TSPEAR: variants seen among roughly 807,000 people sequenced by gnomAD.
TSPEAR encodes the protein thrombospondin type laminin G domain and EAR repeats.
A neutral mutation model predicts 71.6 loss-of-function variants in TSPEAR; 69 were observed. That is an observed-to-expected ratio of 0.96 (90% confidence interval 0.79 to 1.18). TSPEAR has a LOEUF of 1.18. TSPEAR is among the 50% of genes most tolerant of loss of function. The probability of loss-of-function intolerance (pLI) is 0.00; values close to 1 mark genes in which losing one functional copy is unlikely to be tolerated. For missense variants in TSPEAR, 971 were observed against 894.9 expected, an observed-to-expected ratio of 1.09 and a Z score of -1.09; for synonymous variants, 402 against 387.2, an observed-to-expected ratio of 1.04 and a Z score of -0.45.
intron 1 of TSPEAR, among the ~76,000 whole-genome samples, chr21:44,633,039 A>T (rs1389504357): frequency 6.6e-6 from 1 of 151,198 alleles, no homozygotes; most frequent in Non-Finnish European, 1.5e-5. Context: ...ATATTCTCTT[A>T]TAGTCTTTTT....
rs374826156 is a variant in TSPEAR, at chr21:44,574,494, G to T, written c.83-6489C>A. ...CTGCTGCAAGCCTGTGTGCTCTGAG[G>T]ATTCCTCTTCATGCTGCCAGCAGTC... is the stretch of plus-strand genomic sequence containing the variant. On this transcript the variant is annotated intron_variant, in intron 1 of 11. Coordinates refer to ENST00000323084, the MANE Select transcript of TSPEAR (RefSeq NM_144991.3). The T allele has an allele frequency of 4.6e-5, 74 of 1,606,532 alleles. No homozygotes were observed. The African/African-American group carries it at 8.5e-4, about 18-fold the overall frequency.
chr21:44,676,557 A>T (rs2146289613), intron 1 of TSPEAR: 1 of 729,484 alleles, frequency 1.4e-6, no homozygotes, highest in Non-Finnish European at 2.5e-6. Context: ...CTTGCTCTTG[A>T]CTTAGATGAT....
intron 4 of TSPEAR, among the ~76,000 whole-genome samples, 189 bp from the exon 5 acceptor site, chr21:44,530,143 G>T (rs1300912522): frequency 5.3e-5 from 8 of 152,178 alleles, no homozygotes; most frequent in Admixed American, 5.2e-4. Context: ...CAATGGTGAA[G>T]AATTGCCCCC....
At chr21:44,564,146 G>C (rs2053674682) in intron 2 of TSPEAR, among the ~76,000 whole-genome samples, 1 of 152,160 alleles carries the variant, frequency 6.6e-6, no homozygotes, top group South Asian at 2.1e-4. Flanking sequence ...CATTTTGGGA[G>C]ACTCAAATTT....
At chr21:44,675,527 A>ATTT (rs34151967) in intron 1 of TSPEAR, among the ~76,000 whole-genome samples, 20 of 150,816 alleles carry the variant, frequency 1.3e-4, no homozygotes, top group Admixed American at 5.9e-4. Flanking sequence ...ACAAGGATGC[A>ATTT]TTTTTTTTTT....
In TSPEAR at chr21:44,637,656, G is replaced by A. The variant is rs782552725; in HGVS notation, c.83-69651C>T. The A allele has an allele frequency of 1.9e-5, 30 of 1,581,250 alleles. No homozygotes were observed. Among genetic ancestry groups the A allele is most frequent in the Non-Finnish European group, 2.2e-5 (25 of 1,162,132 alleles). ...ACCCCATGCTACCAGCAGTCTAGCT[G>A]CCAGCCGGATTGCTGCACCTCCTCC... On this transcript the variant is annotated intron_variant, in intron 1 of 11. Transcript: ENST00000323084.
chr21:44,682,891 C>T (rs868995134), intron 1 of TSPEAR, among the ~76,000 whole-genome samples: 12 of 152,268 alleles, frequency 7.9e-5, no homozygotes, highest in African/African-American at 2.6e-4. Flanking sequence ...AAGAAGGATC[C>T]GTGTGGAGAG....
At chr21:44,607,392 C>A (rs1555930025) in intron 1 of TSPEAR, among the ~76,000 whole-genome samples, 1 of 152,136 alleles carries the variant, frequency 6.6e-6, no homozygotes, top group Non-Finnish European at 1.5e-5. Context: ...ATGCACAGGT[C>A]AAAACGTCAC....
At chr21:44,518,229 C>T (rs1555913740) in intron 9 of TSPEAR, 1 of 437,068 alleles carries the variant, frequency 2.3e-6, no homozygotes, top group Non-Finnish European at 4.6e-6. Flanking sequence ...CAGTTTCTTT[C>T]AGCCTTTTTC....
At chr21:44,647,740 A>ATTTTTTAAT in intron 1 of TSPEAR, 6 of 288,150 alleles carry the variant, frequency 2.1e-5, no homozygotes, top group South Asian at 1.5e-4. Flanking sequence ...TGTTAAAGGC[A>ATTTTTTAAT]GACAGGACAG....
chr21:44,629,619 T>C (rs782226115), intron 1 of TSPEAR, among the ~76,000 whole-genome samples: 19 of 152,234 alleles, frequency 1.2e-4, no homozygotes, highest in Non-Finnish European at 2.2e-4. Context: ...TGAGGCCACC[T>C]GTGCCTCGAA....
Position 44,612,542 on chromosome 21 carries a change from C to G in TSPEAR, c.83-44537G>C, listed in dbSNP as rs1555931424. 1.9e-6 allele frequency: 3 copies of G among 1,613,616 alleles called. No homozygotes were observed. On this transcript the variant is annotated intron_variant, in intron 1 of 11. Transcript: ENST00000323084. The surrounding 1 kb of genome is among the most constrained non-coding windows in gnomAD (Gnocchi z 4.1). ...TGGAGCTTCCTCCCCATGCTGCCAG[C>G]AGTCTAGCTGCCAGTCAGCTTGCTG...
intron 1 of TSPEAR, among the ~76,000 whole-genome samples, chr21:44,689,084 G>T (rs1479140323): frequency 4.6e-5 from 7 of 152,134 alleles, no homozygotes; most frequent in Admixed American, 1.3e-4. Flanking sequence ...CAAGAGAGGA[G>T]CCCGGGCAGC....
Position 44,525,675 on chromosome 21 carries a change from C to G in TSPEAR, c.1314G>C (p.Leu438=). 6.2e-7 allele frequency: 1 copy of G among 1,614,136 alleles called. No homozygotes were observed. Among genetic ancestry groups the G allele is most frequent in the Non-Finnish European group, 8.5e-7 (1 of 1,180,022 alleles). ...TACCTTCCCGGTGGTTGGCCACCGC[C>G]AGGAAGTGCTCCCCATCCACCTCGA... is the stretch of plus-strand genomic sequence containing the variant. ...EAFEVDGEHF[L]AVANHREGDN... is the part of the protein sequence containing the mutation. Residue 438 remains leucine, a synonymous_variant, in exon 8 of 12, where the codon CTG becomes CTC. Transcript: ENST00000323084.
intron 1 of TSPEAR, among the ~76,000 whole-genome samples, chr21:44,653,388 T>C (rs1984930040): frequency 6.6e-6 from 1 of 152,084 alleles, no homozygotes; most frequent in South Asian, 2.1e-4. Context: ...GCGGAGCCTC[T>C]GACAGGGCTG....
intron 1 of TSPEAR, chr21:44,676,630 T>C (rs1287144435): frequency 1.3e-5 from 10 of 761,460 alleles, no homozygotes; most frequent in Non-Finnish European, 2.0e-5. Flanking sequence ...ATACTTCAAT[T>C]CCTGTTCTTG....
intron 6 of TSPEAR, 119 bp from the exon 7 acceptor site, chr21:44,527,637 C>T: frequency 2.2e-6 from 2 of 929,772 alleles, no homozygotes; most frequent in Non-Finnish European, 3.3e-6. Context: ...GCGCCTCAGC[C>T]TCGGGCATCA....
chr21:44,683,355 C>T lies in TSPEAR; in HGVS notation c.82+28078G>A, dbSNP rs373165568. Among the ~76,000 whole-genome samples the T allele has an allele frequency of 2.8e-4, 43 of 152,234 alleles. 1 individual carries two copies. The South Asian group carries it at 7.9e-3, about 28-fold the overall frequency. On this transcript the variant is annotated intron_variant, in intron 1 of 11. Transcript: ENST00000323084. ...GTCTGTAAATGCATTATTATGATAC[C>T]TCATACACAATCAAAATCATCAGAT...
chr21:44,534,042 G>T, intron 2 of TSPEAR, 119 bp from the exon 3 acceptor site: 1 of 732,930 alleles, frequency 1.4e-6, no homozygotes, highest in South Asian at 1.7e-5. Flanking sequence ...GGGGCTGACT[G>T]GAGGGGCGAG....
Sources: gnomAD v4.1 joint callset for allele counts (sites outside exome capture counted in the v4.1 genomes callset) on GRCh38, gnomAD v4.1.1 for gene constraint, Gnocchi (gnomAD v3.1) non-coding constraint, MANE v1.5 for transcripts, NCBI Gene and HGNC (gene_info 2026-07-23, HGNC 2026-07-21) for gene names.